Variants in HDAC4 observed in about 807,000 individuals in gnomAD.
HDAC4 encodes histone deacetylase 4, also known as histone deacetylase A.
HDAC4 carries 16 observed loss-of-function variants against 135.1 expected under a neutral mutation model. The observed-to-expected ratio is 0.12, with a 90% CI of 0.08 to 0.18. HDAC4 has a LOEUF of 0.18. HDAC4 is among the 10% of genes least tolerant of loss of function. The pLI, the probability that HDAC4 is intolerant of heterozygous loss-of-function variation, is 1.00. For synonymous variants in HDAC4, 685 were observed against 653.4 expected (o/e 1.05, Z -0.74); for missense variants, 1,143 against 1,511.8 (o/e 0.76, Z 4.05).
At chr2:239,227,813 G>A (rs2047327523) in intron 3 of HDAC4, among the ~76,000 whole-genome samples, 1 of 152,206 alleles carries the variant, frequency 6.6e-6, no homozygotes, top group African/African-American at 2.4e-5. Context: ...AGCTTCACGA[G>A]AGTCATCGCC....
rs760140223 is a variant in HDAC4, at chr2:239,190,065, G to A, written c.107C>T (p.Thr36Met). ...NHMPSTVDVATALPLQVAPSA... is the reference protein window; with the variant it reads ...NHMPSTVDVAMALPLQVAPSA... Reference sequence around the variant, plus strand: ...GGGGGCCACTTGCAGAGGCAGCGCCGTGGCCACATCCACTGTGGGAAAAAC... The same window carrying A: ...GGGGGCCACTTGCAGAGGCAGCGCCATGGCCACATCCACTGTGGGAAAAAC... The change falls in exon 4 of 27, where the codon ACG becomes ATG. Residue 36 changes from threonine (T) to methionine (M), a missense_variant. This residue lies in a region of HDAC4 where 247 missense variants were observed against 310.0 expected (regional missense o/e 0.80). Coordinates refer to ENST00000543185, the MANE Select transcript of HDAC4 (RefSeq NM_001378414.1). The A allele has an allele frequency of 6.2e-6, 10 of 1,600,604 alleles. No individual in the cohort carries two copies. The highest frequency in any genetic ancestry group is 4.5e-5 in the East Asian group (2 of 44,800).
chr2:239,101,735 C>T (rs2152761500), intron 16 of HDAC4, among the ~76,000 whole-genome samples: 1 of 152,250 alleles, frequency 6.6e-6, no homozygotes, highest in South Asian at 2.1e-4. Context: ...ATCCCCCATC[C>T]CCAGGTCCGT....
chr2:239,124,484 T>G (rs561912774), intron 12 of HDAC4, among the ~76,000 whole-genome samples: 85 of 152,348 alleles, frequency 5.6e-4, no homozygotes, highest in African/African-American at 2.0e-3. Context: ...TATGGCTGAA[T>G]GACATTCCGG....
chr2:239,070,415 G>T (rs1457989484), intron 22 of HDAC4, among the ~76,000 whole-genome samples: 1 of 152,204 alleles, frequency 6.6e-6, no homozygotes, highest in Non-Finnish European at 1.5e-5. Flanking sequence ...TAACACAAAA[G>T]AACTTATCAG....
At chr2:239,396,463 T>C (rs945831969) in intron 1 of HDAC4, among the ~76,000 whole-genome samples, 2 of 152,178 alleles carry the variant, frequency 1.3e-5, no homozygotes, top group Non-Finnish European at 2.9e-5. Flanking sequence ...ACAGGTATCA[T>C]CAAACTCGCC....
chr2:239,184,923 T>TG (rs796160143), intron 4 of HDAC4, among the ~76,000 whole-genome samples: 3 of 26,428 alleles, frequency 1.1e-4, no homozygotes, highest in Non-Finnish European at 2.2e-4. Context: ...TGTCCTATGG[T>TG]GGGGGGTCCC....
At chr2:239,171,579 G>A (rs780193634) in intron 5 of HDAC4, among the ~76,000 whole-genome samples, 1 of 152,190 alleles carries the variant, frequency 6.6e-6, no homozygotes, top group Non-Finnish European at 1.5e-5. Context: ...GGCAAAGTCA[G>A]TATCTGTTGA....
chr2:239,246,952 G>A (rs182981917), intron 2 of HDAC4, among the ~76,000 whole-genome samples: 149 of 152,376 alleles, frequency 9.8e-4, no homozygotes, highest in African/African-American at 3.4e-3. Flanking sequence ...GGCATGCACC[G>A]TGTGCAGTTT....
chr2:239,226,966 GAT>G (rs1223336005), intron 3 of HDAC4, among the ~76,000 whole-genome samples: 1 of 152,210 alleles, frequency 6.6e-6, no homozygotes, highest in Non-Finnish European at 1.5e-5. Context: ...ACAGTGTGTG[GAT>G]TGTTTAGAAA....
intron 3 of HDAC4, among the ~76,000 whole-genome samples, chr2:239,198,543 T>C (rs1275085039): frequency 1.3e-5 from 2 of 152,208 alleles, no homozygotes; most frequent in Admixed American, 1.3e-4. Context: ...AGCTTGCTCC[T>C]GTCCCCATGC....
intron 1 of HDAC4, among the ~76,000 whole-genome samples, chr2:239,385,101 G>C (rs548818773): frequency 6.6e-6 from 1 of 152,304 alleles, no homozygotes; most frequent in South Asian, 2.1e-4. Flanking sequence ...CCTGAGAAGG[G>C]CACCTTGCTT....
At chr2:239,391,681 G>A (rs2126106976) in intron 1 of HDAC4, among the ~76,000 whole-genome samples, 1 of 152,324 alleles carries the variant, frequency 6.6e-6, no homozygotes, top group Non-Finnish European at 1.5e-5. Flanking sequence ...ATGGAACACA[G>A]GACATCACTG....
At chr2:239,084,582 CACAG>C (rs1322776754) in intron 19 of HDAC4, among the ~76,000 whole-genome samples, 1 of 151,336 alleles carries the variant, frequency 6.6e-6, no homozygotes, top group Non-Finnish European at 1.5e-5. Flanking sequence ...ACACACACAC[CACAG>C]ACAGAGACAC....
chr2:239,095,099 G>C (rs770801368), intron 16 of HDAC4, 43 bp from the exon 17 acceptor site: 4 of 1,611,508 alleles, frequency 2.5e-6, no homozygotes, highest in Middle Eastern at 1.7e-4. Flanking sequence ...AAGGGCACGC[G>C]GCCAAGGTGC....
rs552772189 is a variant in HDAC4, at chr2:239,354,453, C to T, written c.-219-1535G>A. ...AAAGAGACAAGTCTCAGCACTCCTA[C>T]CACTGAGAGTCCCTGGCTGATCCCA... On this transcript the variant is annotated intron_variant, in intron 1 of 26. Transcript: ENST00000543185. Among the ~76,000 whole-genome samples the T allele has an allele frequency of 3.3e-5, 5 of 152,264 alleles. No individual in the cohort carries two copies. In the East Asian group the frequency reaches 9.6e-4, roughly 29 times the overall value.
At chr2:239,165,703 G>A (rs1183719792) in intron 5 of HDAC4, among the ~76,000 whole-genome samples, 3 of 152,212 alleles carry the variant, frequency 2.0e-5, no homozygotes, top group Non-Finnish European at 2.9e-5. Flanking sequence ...TCTCATGGAC[G>A]CCCTGGTTCG....
intron 1 of HDAC4, among the ~76,000 whole-genome samples, chr2:239,357,956 AGGACAAT>A: frequency 6.6e-6 from 1 of 151,362 alleles, no homozygotes; most frequent in Non-Finnish European, 1.5e-5. Context: ...AAATATTAAA[AGGACAAT>A]GGGGAATATT....
chr2:239,135,897 G>T (rs1330014313), intron 9 of HDAC4, among the ~76,000 whole-genome samples: 1 of 152,206 alleles, frequency 6.6e-6, no homozygotes, highest in African/African-American at 2.4e-5. Flanking sequence ...ACCTTTTAAA[G>T]AATGGGCTTG....
chr2:239,206,458 G>C (rs561503381), intron 3 of HDAC4, among the ~76,000 whole-genome samples: 1 of 152,046 alleles, frequency 6.6e-6, no homozygotes, highest in African/African-American at 2.4e-5. Flanking sequence ...GTGCACCATT[G>C]CATCTATAAA....
Sources: gnomAD v4.1 joint callset for allele counts (sites outside exome capture counted in the v4.1 genomes callset) on GRCh38, gnomAD v4.1.1 for gene constraint, gnomAD v4.1.1 regional missense constraint, MANE v1.5 for transcripts, NCBI Gene and HGNC (gene_info 2026-07-23, HGNC 2026-07-21) for gene names.